Variants in BLTP3B observed in about 807,000 individuals in gnomAD.
The protein encoded by BLTP3B is bridge-like lipid transfer protein family member 3B, also known as UHRF1 (ICBP90) binding protein 1-like.
the BLTP3B span, chr12:100,058,932 T>C: frequency 1.2e-6 from 2 of 1,614,048 alleles, no homozygotes; most frequent in Non-Finnish European, 1.7e-6. Flanking sequence ...CTGACCACCA[T>C]TTGTCAAAGG....
At chr12:100,114,679 T>C in the BLTP3B span, among the ~76,000 whole-genome samples, 1 of 152,194 alleles carries the variant, frequency 6.6e-6, no homozygotes, top group East Asian at 1.9e-4. Flanking sequence ...AGAAGATGTT[T>C]TCAGAAAAAC....
At chr12:100,121,760 C>A in the BLTP3B span, among the ~76,000 whole-genome samples, 152 of 150,944 alleles carry the variant, frequency 1.0e-3, no homozygotes, top group Non-Finnish European at 1.9e-3. Context: ...ACCCAGAAGG[C>A]GGAGGCTGCG....
At chr12:100,043,809 A>G in the BLTP3B span, among the ~76,000 whole-genome samples, 4 of 152,176 alleles carry the variant, frequency 2.6e-5, no homozygotes, top group African/African-American at 9.7e-5. Context: ...GGAGGATCCC[A>G]AAAAGGAATG....
At chr12:100,070,805 C>T in the BLTP3B span, among the ~76,000 whole-genome samples, 2 of 151,770 alleles carry the variant, frequency 1.3e-5, no homozygotes, top group South Asian at 4.2e-4. Flanking sequence ...ACCAGCTTGG[C>T]CAACAAGGAG....
the BLTP3B span, among the ~76,000 whole-genome samples, chr12:100,140,359 AT>A: frequency 6.6e-6 from 1 of 151,828 alleles, no homozygotes. Context: ...AAAAAAAAAA[AT>A]CCTCATCACA....
chr12:100,084,466 G>A, the BLTP3B span: 3 of 1,603,938 alleles, frequency 1.9e-6, no homozygotes, highest in South Asian at 3.3e-5. Flanking sequence ...TGCTATTATA[G>A]GTAAAATACC....
At chr12:100,063,692 G>T in the BLTP3B span, among the ~76,000 whole-genome samples, 1 of 142,346 alleles carries the variant, frequency 7.0e-6, no homozygotes, top group South Asian at 2.2e-4. Context: ...GGCAACAAGA[G>T]TGAACTCCGT....
the BLTP3B span, among the ~76,000 whole-genome samples, chr12:100,041,565 T>C: frequency 6.6e-6 from 1 of 150,788 alleles, no homozygotes; most frequent in African/African-American, 2.4e-5. Context: ...GCCTCCCGAG[T>C]AGCTGGGACT....
the BLTP3B span, among the ~76,000 whole-genome samples, chr12:100,040,546 T>G: frequency 6.6e-6 from 1 of 152,098 alleles, no homozygotes; most frequent in Non-Finnish European, 1.5e-5. Context: ...CCAGGCATGA[T>G]GGTGCACACC....
the BLTP3B span, among the ~76,000 whole-genome samples, chr12:100,112,387 G>A: frequency 1.6e-4 from 24 of 152,156 alleles, no homozygotes; most frequent in Admixed American, 1.3e-4. Context: ...CACTCCTGTA[G>A]TCCCAGTTAC....
the BLTP3B span, chr12:100,057,997 A>G: frequency 6.5e-7 from 1 of 1,531,212 alleles, no homozygotes; most frequent in Non-Finnish European, 8.7e-7. Context: ...AAAATAAATT[A>G]ATTTTTAAAA....
the BLTP3B span, among the ~76,000 whole-genome samples, chr12:100,119,468 A>T: frequency 6.6e-6 from 1 of 152,204 alleles, no homozygotes; most frequent in Non-Finnish European, 1.5e-5. Flanking sequence ...ATGAAAATGT[A>T]GAAGACCTAG....
the BLTP3B span, among the ~76,000 whole-genome samples, chr12:100,054,839 C>A: frequency 2.2e-4 from 33 of 152,272 alleles, no homozygotes; most frequent in East Asian, 5.2e-3. Context: ...CTGCCTCTTA[C>A]TACTTCCTGG....
the BLTP3B span, among the ~76,000 whole-genome samples, chr12:100,131,606 A>G: frequency 1.3e-5 from 2 of 152,190 alleles, no homozygotes; most frequent in Non-Finnish European, 2.9e-5. Context: ...TAAACTGTCA[A>G]TCAAACTATT....
chr12:100,078,743 G>A, the BLTP3B span, among the ~76,000 whole-genome samples: 1 of 152,140 alleles, frequency 6.6e-6, no homozygotes, highest in Non-Finnish European at 1.5e-5. Flanking sequence ...CCAAGACGCT[G>A]TTTTATTATT....
chr12:100,048,739 A>AGAGG, the BLTP3B span, among the ~76,000 whole-genome samples: 1 of 125,844 alleles, frequency 7.9e-6, no homozygotes, highest in South Asian at 2.7e-4. Context: ...GGGGGGGGAG[A>AGAGG]GAGAGAGAGA....
At chr12:100,060,465 G>C in the BLTP3B span, among the ~76,000 whole-genome samples, 2 of 152,106 alleles carry the variant, frequency 1.3e-5, no homozygotes, top group African/African-American at 4.8e-5. Context: ...TATTTCTGTA[G>C]ACTTTACAAC....
chr12:100,086,179 G>T, the BLTP3B span: 2 of 763,326 alleles, frequency 2.6e-6, no homozygotes, highest in Non-Finnish European at 3.8e-6. Flanking sequence ...CTCATTTCTT[G>T]TTAACAAATA....
the BLTP3B span, among the ~76,000 whole-genome samples, chr12:100,090,848 T>C: frequency 6.6e-6 from 1 of 152,142 alleles, no homozygotes; most frequent in African/African-American, 2.4e-5. Flanking sequence ...TAAAATACTC[T>C]CCGGTACTTC....
Sources: gnomAD v4.1 joint callset for allele counts (sites outside exome capture counted in the v4.1 genomes callset) on GRCh38, gnomAD v4.1.1 for gene constraint, MANE v1.5 for transcripts, NCBI Gene and HGNC (gene_info 2026-07-23, HGNC 2026-07-21) for gene names.